The following SLC30A7 variants were observed in gnomAD, a reference collection of about 807,000 sequenced individuals.
SLC30A7 encodes solute carrier family 30 member 7.
Under a neutral mutation model 46.0 loss-of-function variants are expected in SLC30A7, and 35 were observed. That is an observed-to-expected ratio of 0.76 (90% CI 0.58 to 1.01). The LOEUF is 1.01. Among genes scored for constraint, SLC30A7 ranks in the 50% least tolerant of loss-of-function variants. SLC30A7 has a pLI of 0.00. For missense variants in SLC30A7, 464 were observed against 451.1 expected, an observed-to-expected ratio of 1.03 and a Z score of -0.26; for synonymous variants, 147 against 157.8, an observed-to-expected ratio of 0.93 and a Z score of 0.51.
rs1656820438 is a variant in SLC30A7 at position 100,979,879 on chromosome 1, A to G, written c.*5022A>G. 1.3e-5 allele frequency: 2 copies of G among 152,124 alleles called. No individual in the cohort carries two copies. Among genetic ancestry groups the G allele is most frequent in the African/African-American group, 4.8e-5 (2 of 41,420 alleles). 9.4% of individuals were successfully genotyped at this position (152,124 alleles called of 1,614,324 possible). A position where few individuals can be genotyped will look rare whatever the true frequency, so the allele number is the denominator to read the frequency against. On this transcript the variant is annotated 3_prime_UTR_variant, in exon 11 of 11. Transcript: ENST00000357650. Reference sequence around the variant, plus strand: ...GTGTATGTAATTCAGCAGTGCTTCAAAGATCCAAGAAGCTGTAGCAGATCT... The same window carrying G: ...GTGTATGTAATTCAGCAGTGCTTCAGAGATCCAAGAAGCTGTAGCAGATCT...
In SLC30A7 at chr1:100,965,880, A is replaced by G. The variant is rs1306834864; in HGVS notation, c.1045A>G (p.Arg349Gly). The change falls in exon 10 of 11, where the codon AGG (arginine) becomes GGG (glycine). Residue 349 changes from arginine to glycine, a missense_variant. Physicochemically the swap from Arg to Gly is moderately radical, Grantham distance 125. Coordinates refer to ENST00000357650, the MANE Select transcript of SLC30A7 (RefSeq NM_133496.5). The part of the protein sequence containing the change: ...KLIVAPDADA[R>G]WILSQTHNIF... ...AATAGTAGCACCTGATGCTGATGCT[A>G]GGTGGATTTTAAGCCAAACACATAA... 3.1e-6 allele frequency: 5 copies of G among 1,613,762 alleles called. No individual in the cohort carries two copies. The Admixed American group carries it at 8.3e-5, about 27-fold the overall frequency.
At chr1:100,946,335 T>G (rs976078697) in intron 8 of SLC30A7, among the ~76,000 whole-genome samples, 2 of 151,994 alleles carry the variant, frequency 1.3e-5, no homozygotes, top group Non-Finnish European at 2.9e-5. Flanking sequence ...TGAACAGGAG[T>G]GGTGAGAGGG....
At chr1:100,917,335 C>G (rs1297485894) in intron 6 of SLC30A7, among the ~76,000 whole-genome samples, 3 of 152,100 alleles carry the variant, frequency 2.0e-5, no homozygotes, top group African/African-American at 7.2e-5. Context: ...TATTGCAGAA[C>G]ATTGTTATAA....
At chr1:100,913,285 G>C (rs1409836754) in intron 5 of SLC30A7, among the ~76,000 whole-genome samples, 4 of 152,170 alleles carry the variant, frequency 2.6e-5, no homozygotes, top group African/African-American at 7.2e-5. Context: ...TTTTGGGCAT[G>C]AATTTTGTCT....
At chr1:100,953,457 G>C (rs1655061195) in intron 8 of SLC30A7, among the ~76,000 whole-genome samples, 1 of 152,064 alleles carries the variant, frequency 6.6e-6, no homozygotes, top group South Asian at 2.1e-4. Context: ...ATTCAATTTT[G>C]ATAGTCTTAA....
chr1:100,949,307 A>T (rs998468446), intron 8 of SLC30A7, among the ~76,000 whole-genome samples: 24 of 152,204 alleles, frequency 1.6e-4, no homozygotes, highest in African/African-American at 5.8e-4. Context: ...GGTCCACTCC[A>T]GACCCTGTTT....
chr1:100,993,713 TAGTAGCC>T, the SLC30A7 span, among the ~76,000 whole-genome samples: 1 of 150,662 alleles, frequency 6.6e-6, no homozygotes, highest in Non-Finnish European at 1.5e-5. Context: ...TCAAGTTTTC[TAGTAGCC>T]ATATTAACAA....
chr1:100,907,808 C>T (rs1651778606), intron 3 of SLC30A7, among the ~76,000 whole-genome samples: 1 of 151,932 alleles, frequency 6.6e-6, no homozygotes, highest in Non-Finnish European at 1.5e-5. Context: ...CCTTCCTCAG[C>T]CTCTTACTCT....
chr1:100,991,788 C>CAAAAAA, the SLC30A7 span, among the ~76,000 whole-genome samples: 2 of 101,066 alleles, frequency 2.0e-5, no homozygotes, highest in Non-Finnish European at 4.0e-5. Flanking sequence ...GACCCCATCT[C>CAAAAAA]AAAAAAAAAA....
At chr1:100,986,470 T>C (rs1657276234), downstream of SLC30A7, among the ~76,000 whole-genome samples, 2 of 150,630 alleles carry the variant, frequency 1.3e-5, no homozygotes, top group Non-Finnish European at 2.9e-5. Context: ...ACTGCCAACA[T>C]GAAGTGGTGG....
chr1:100,930,688 G>C (rs957818240), intron 8 of SLC30A7, among the ~76,000 whole-genome samples: 1 of 151,720 alleles, frequency 6.6e-6, no homozygotes, highest in African/African-American at 2.4e-5. Context: ...TTTGTGGTTT[G>C]CCTTTCAAGT....
intron 8 of SLC30A7, among the ~76,000 whole-genome samples, chr1:100,949,606 C>G (rs1426752449): frequency 1.3e-5 from 2 of 152,210 alleles, no homozygotes; most frequent in Non-Finnish European, 2.9e-5. Flanking sequence ...TTCAGCTATG[C>G]CTTGCCCACA....
chr1:100,987,061 C>A, the SLC30A7 span, among the ~76,000 whole-genome samples: 1 of 152,162 alleles, frequency 6.6e-6, no homozygotes, highest in African/African-American at 2.4e-5. Context: ...AAGTTACATA[C>A]AGAACAGAAT....
At chr1:100,974,271 G>T (rs1367022303) in intron 10 of SLC30A7, among the ~76,000 whole-genome samples, 1 of 152,124 alleles carries the variant, frequency 6.6e-6, no homozygotes, top group African/African-American at 2.4e-5. Context: ...CAGTGTGTTT[G>T]TATGCTAATA....
intron 8 of SLC30A7, among the ~76,000 whole-genome samples, chr1:100,937,168 A>G (rs1275354081): frequency 6.6e-6 from 1 of 152,200 alleles, no homozygotes. Flanking sequence ...AAAATCTGCT[A>G]TTACTACCTG....
chr1:100,911,540 T>G (rs1241005422), intron 4 of SLC30A7, among the ~76,000 whole-genome samples: 3 of 152,122 alleles, frequency 2.0e-5, no homozygotes, highest in Non-Finnish European at 4.4e-5. Context: ...ATGCAGTATT[T>G]TTTTTAATTT....
intron 7 of SLC30A7, among the ~76,000 whole-genome samples, chr1:100,919,250 C>T (rs1287894700): frequency 6.6e-6 from 1 of 151,718 alleles, no homozygotes; most frequent in Non-Finnish European, 1.5e-5. Context: ...GTGGGTGGGG[C>T]GGTAGGTTAT....
chr1:100,911,332 T>A (rs187903805), intron 4 of SLC30A7, among the ~76,000 whole-genome samples, 182 bp downstream of exon 4: 46 of 152,298 alleles, frequency 3.0e-4, no homozygotes, highest in African/African-American at 1.1e-3. Flanking sequence ...ATGAATCTTC[T>A]TGGAATTGAA....
At chr1:100,911,243 A>G in intron 4 of SLC30A7, 93 bp downstream of exon 4, 1 of 839,442 alleles carries the variant, frequency 1.2e-6, no homozygotes, top group Non-Finnish European at 1.8e-6. Context: ...TTCAACTATT[A>G]TTAAATATTG....
Sources: allele counts gnomAD v4.1 joint callset (sites outside exome capture counted in the v4.1 genomes callset), GRCh38; gene constraint gnomAD v4.1.1; transcripts MANE v1.5; gene names NCBI Gene and HGNC (gene_info 2026-07-23, HGNC 2026-07-21).